LATS1: variants seen among roughly 807,000 people sequenced by gnomAD.
LATS1 encodes serine/threonine-protein kinase LATS1.
Under a neutral mutation model 106.6 loss-of-function variants are expected in LATS1, and 25 were observed. The ratio of observed to expected loss-of-function variants is 0.23; its 90% CI spans 0.17 to 0.33. The LOEUF (loss-of-function observed/expected upper bound fraction) is 0.33, where lower values mean the gene tolerates loss of function less well. Among genes scored for constraint, LATS1 ranks in the 10% least tolerant of loss-of-function variants. The pLI is 1.00. For missense variants in LATS1, 1,040 were observed against 1,382.6 expected, an observed-to-expected ratio of 0.75 and a Z score of 3.93; for synonymous variants, 465 against 455.6, an observed-to-expected ratio of 1.02 and a Z score of -0.26.
At chr6:149,699,103 AAG>A (rs1783288302) in intron 2 of LATS1, among the ~76,000 whole-genome samples, 2 of 152,166 alleles carry the variant, frequency 1.3e-5, no homozygotes, top group Admixed American at 6.6e-5. Context: ...AGCTAATAAA[AAG>A]AGTAGGTTAG....
chr6:149,688,664 C>A (rs1782542858), intron 3 of LATS1, among the ~76,000 whole-genome samples: 1 of 152,120 alleles, frequency 6.6e-6, no homozygotes, highest in Non-Finnish European at 1.5e-5. Flanking sequence ...TCTAAGCAAT[C>A]CAATGACATT....
Position 149,662,085 on chromosome 6 carries a change from T to C in LATS1, c.3037A>G (p.Ile1013Val). The change falls in exon 8 of 8, where the codon ATT becomes GTT. Residue 1013 changes from isoleucine (I) to valine (V), a missense_variant. Coordinates refer to ENST00000543571, the MANE Select transcript of LATS1 (RefSeq NM_004690.4). ...TGTCTCAGGTCACTGGAGAAGTCAA[T>C]TGTTTTAAAAAATGGATGAGCTTTT... ...EIKAHPFFKTIDFSSDLRQQS... is the reference protein window; with the variant it reads ...EIKAHPFFKTVDFSSDLRQQS... The C allele has an allele frequency of 6.2e-7, 1 of 1,614,162 alleles. No homozygotes were observed. The highest frequency in any genetic ancestry group is 8.5e-7 in the Non-Finnish European group (1 of 1,180,026).
intron 2 of LATS1, chr6:149,697,013 T>C (rs1397224919): frequency 1.7e-5 from 10 of 580,060 alleles, no homozygotes; most frequent in Non-Finnish European, 2.6e-5. Context: ...TACTTTATGT[T>C]TTATATAAAC....
chr6:149,701,949 C>T lies in LATS1; in HGVS notation c.178G>A (p.Glu60Lys), dbSNP rs771059780. The T allele has an allele frequency of 4.3e-6, 7 of 1,614,016 alleles. No homozygotes were observed. Among genetic ancestry groups the T allele is most frequent in the Admixed American group, 3.3e-5 (2 of 59,990 alleles). The change falls in exon 2 of 8, where the codon GAA (glutamate) becomes AAA (lysine). Residue 60 changes from glutamate (E) to lysine (K), a missense_variant. By Grantham distance (56) the Glu-to-Lys change is moderately conservative. Around this residue, in one of 7 missense-constraint regions of LATS1, gnomAD observed 624 missense variants for 714.8 expected, o/e 0.87. Transcript: ENST00000543571. ...GGATTTCTGACTTGTCGAGGATCTT[C>T]GGTTGACATTTTACTCATGTTATGC... ...AEHNMSKMSTEDPRQVRNPPK... is the reference protein window; with the variant it reads ...AEHNMSKMSTKDPRQVRNPPK...
chr6:149,701,970 T>C lies in LATS1; in HGVS notation c.157A>G (p.Asn53Asp). The C allele has an allele frequency of 6.2e-7, 1 of 1,614,212 alleles. No individual in the cohort carries two copies. Reference sequence around the variant, plus strand: ...TCTTCGGTTGACATTTTACTCATGTTATGCTCAGCCTTAGCAGCATCAGAT... The same window carrying C: ...TCTTCGGTTGACATTTTACTCATGTCATGCTCAGCCTTAGCAGCATCAGAT... ...KPSDAAKAEH[N>D]MSKMSTEDPR... Residue 53 changes from asparagine to aspartate, a missense_variant, in exon 2 of 8, where the codon AAC becomes GAC. By Grantham distance (23) the Asn-to-Asp change is conservative (BLOSUM62 1). Coordinates refer to ENST00000543571, the MANE Select transcript of LATS1 (RefSeq NM_004690.4).
intron 7 of LATS1, among the ~76,000 whole-genome samples, chr6:149,667,713 C>T (rs1334116550): frequency 1.3e-5 from 2 of 151,990 alleles, no homozygotes; most frequent in African/African-American, 2.4e-5. Context: ...CTGGTGAATA[C>T]CAAACGGAAT....
At position 149,676,437 on chromosome 6, in the gene LATS1, C is replaced by A; in HGVS notation, c.2777-71G>T. ...TACAATAAAAATTAACATTAAATCA[C>A]CAATTTATACTTTAAAATTAATACT... On this transcript the variant is annotated intron_variant, in intron 6 of 7. Transcript: ENST00000543571. 3 of 1,354,198 alleles carry A rather than the reference C, an allele frequency of 2.2e-6. No individual in the cohort carries two copies. In the South Asian group the frequency reaches 3.9e-5, roughly 18 times the overall value. 83.9% of individuals were successfully genotyped at this position (1,354,198 alleles called of 1,614,324 possible). A position where few individuals can be genotyped will look rare whatever the true frequency, so the allele number is the denominator to read the frequency against.
chr6:149,697,053 T>C, intron 2 of LATS1: 1 of 812,918 alleles, frequency 1.2e-6, no homozygotes, highest in Non-Finnish European at 1.8e-6. Context: ...GCAGAAAGTA[T>C]GTTGACATGC....
intron 1 of LATS1, among the ~76,000 whole-genome samples, chr6:149,705,125 T>G (rs909686908): frequency 1.3e-5 from 2 of 151,936 alleles, no homozygotes; most frequent in African/African-American, 2.4e-5. Flanking sequence ...TGCCTGAAAA[T>G]TGCACATATT....
intron 7 of LATS1, among the ~76,000 whole-genome samples, chr6:149,675,328 T>C (rs943872666): frequency 2.6e-5 from 4 of 151,862 alleles, no homozygotes; most frequent in South Asian, 2.1e-4. Context: ...GGGAACGGTA[T>C]GAACAGAGGG....
intron 7 of LATS1, among the ~76,000 whole-genome samples, chr6:149,665,154 G>A (rs1220206390): frequency 1.3e-5 from 2 of 152,152 alleles, no homozygotes; most frequent in Non-Finnish European, 2.9e-5. Context: ...TTGAGGTCAG[G>A]AGTTCGAGAC....
chr6:149,705,973 CG>C (rs1329036841), intron 1 of LATS1, among the ~76,000 whole-genome samples: 1 of 151,644 alleles, frequency 6.6e-6, no homozygotes, highest in Non-Finnish European at 1.5e-5. Flanking sequence ...CACCTGAGGT[CG>C]GGAGTTTGAG....
At chr6:149,676,076 T>G in intron 7 of LATS1, 184 bp downstream of exon 7, 1 of 558,590 alleles carries the variant, frequency 1.8e-6, no homozygotes. Context: ...GATCTTGAAC[T>G]CCTAGGCTCA....
intron 7 of LATS1, among the ~76,000 whole-genome samples, chr6:149,668,903 A>C (rs1562319676): frequency 6.6e-6 from 1 of 151,426 alleles, no homozygotes; most frequent in Non-Finnish European, 1.5e-5. Flanking sequence ...CCTGGACTTA[A>C]GGGATCCTCC....
intron 3 of LATS1, among the ~76,000 whole-genome samples, chr6:149,690,738 C>G (rs998887529): frequency 1.3e-5 from 2 of 151,850 alleles, no homozygotes; most frequent in Non-Finnish European, 2.9e-5. Flanking sequence ...AGGGTTTCAC[C>G]ATGATGCTCA....
chr6:149,680,456 A>G lies in LATS1; in HGVS notation c.2012T>C (p.Val671Ala). ...ATCCTGGGCATCTTGAGATAATCCA[A>G]CCTAGGCAAATAAACTAGATGTTAA... ...KKQLENEMMRVGLSQDAQDQM... is the reference protein window; with the variant it reads ...KKQLENEMMRAGLSQDAQDQM... Residue 671 changes from valine (V) to alanine (A), a missense_variant and splice_region_variant, in exon 5 of 8, where the codon GTT (valine) becomes GCT (alanine). Physicochemically the swap from Val to Ala is moderately conservative, Grantham distance 64. Coordinates refer to ENST00000543571, the MANE Select transcript of LATS1 (RefSeq NM_004690.4). 1 of 1,578,154 alleles carries G rather than the reference A, an allele frequency of 6.3e-7. No homozygotes were observed. The highest frequency in any genetic ancestry group is 8.6e-7 in the Non-Finnish European group (1 of 1,161,000).
chr6:149,691,738 T>C (rs1311888280), intron 3 of LATS1, among the ~76,000 whole-genome samples: 1 of 152,184 alleles, frequency 6.6e-6, no homozygotes, highest in Non-Finnish European at 1.5e-5. Context: ...ACCTATTTCA[T>C]ATGTATGGCT....
At chr6:149,702,915 C>T (rs1783545515) in intron 1 of LATS1, among the ~76,000 whole-genome samples, 1 of 150,498 alleles carries the variant, frequency 6.6e-6, no homozygotes, top group Non-Finnish European at 1.5e-5. Context: ...CCTCATGATC[C>T]ACCCACCTCA....
intron 1 of LATS1, among the ~76,000 whole-genome samples, chr6:149,710,227 G>A (rs563516261): frequency 5.3e-5 from 8 of 152,174 alleles, no homozygotes; most frequent in South Asian, 2.1e-4. Flanking sequence ...GTTCTCAGGA[G>A]CTCCTGAGGG....
Sources: gnomAD v4.1 joint callset for allele counts (sites outside exome capture counted in the v4.1 genomes callset) on GRCh38, gnomAD v4.1.1 for gene constraint, gnomAD v4.1.1 regional missense constraint, MANE v1.5 for transcripts, NCBI Gene and HGNC (gene_info 2026-07-23, HGNC 2026-07-21) for gene names.